Variants in FBN2 observed in about 807,000 individuals in gnomAD.
FBN2 encodes fibrillin 2.
FBN2 carries 105 observed loss-of-function variants against 355.6 expected under a neutral mutation model. The observed-to-expected ratio is 0.30, with a 90% CI of 0.25 to 0.35. The LOEUF is 0.35. Among genes scored for constraint, FBN2 ranks in the 10% least tolerant of loss-of-function variants. FBN2 has a pLI of 1.00. For synonymous variants in FBN2, 1,350 were observed against 1,301.2 expected, an observed-to-expected ratio of 1.04 and a Z score of -0.81; for missense variants, 3,280 against 3,758.7, an observed-to-expected ratio of 0.87 and a Z score of 3.33.
In FBN2 at chr5:128,408,819, G is replaced by A; in HGVS notation, c.953-20C>T. On this transcript the variant is annotated intron_variant, in intron 7 of 64. Coordinates refer to ENST00000262464, the MANE Select transcript of FBN2 (RefSeq NM_001999.4). ...CAATGTCTAATCAAGGGAAGAAGGA[G>A]AAGATGATTGAGAAAGGCCTTCATT... 6.2e-7 allele frequency: 1 copy of A among 1,613,706 alleles called. No homozygotes were observed. The highest frequency in any genetic ancestry group is 8.5e-7 in the Non-Finnish European group (1 of 1,179,648).
At chr5:128,300,989 T>A in intron 47 of FBN2, 53 bp from the exon 48 acceptor site, 1 of 1,533,100 alleles carries the variant, frequency 6.5e-7, no homozygotes. Context: ...AATTGTTACA[T>A]AGATTTATCT....
chr5:128,525,419 G>T (rs2112795290), intron 4 of FBN2, among the ~76,000 whole-genome samples: 1 of 152,226 alleles, frequency 6.6e-6, no homozygotes, highest in East Asian at 1.9e-4. Context: ...GTTATAAACA[G>T]AAGTCTGTTG....
chr5:128,361,821 A>T lies in FBN2; in HGVS notation c.2456T>A (p.Leu819Gln). The stretch of plus-strand genomic sequence containing the variant: ...TCGGCACAATCCGTTATCACAAAGC[A>T]GTCTGTTTACTAAACATTCATCAAT... ...IDIDECLVNR[L>Q]LCDNGLCRNT... is the part of the protein sequence containing the mutation. Residue 819 changes from leucine (L) to glutamine (Q), a missense_variant, in exon 19 of 65, where the codon CTG becomes CAG. Physicochemically the swap from Leu to Gln is moderately radical, Grantham distance 113. Transcript: ENST00000262464. 2 of 1,614,158 alleles carry T rather than the reference A, an allele frequency of 1.2e-6. No homozygotes were observed. The highest frequency in any genetic ancestry group is 1.7e-6 in the Non-Finnish European group (2 of 1,179,992).
rs73346348 is a variant in FBN2, at chr5:128,534,335, C to G, written c.337+2067G>C. 5.7e-4 allele frequency among the ~76,000 whole-genome samples: 86 copies of G among 152,142 alleles called. 1 individual carries two copies. The highest frequency in any genetic ancestry group is 2.0e-3 in the African/African-American group (84 of 41,522). ...ATAACGGTTTCATTTCACTTATTAC[C>G]TCTACATATGATCATTTTAAATGTC... On this transcript the variant is annotated intron_variant, in intron 2 of 64. Coordinates refer to ENST00000262464, the MANE Select transcript of FBN2 (RefSeq NM_001999.4).
At chr5:128,500,777 C>G (rs1755789198) in intron 5 of FBN2, among the ~76,000 whole-genome samples, 1 of 151,988 alleles carries the variant, frequency 6.6e-6, no homozygotes, top group Non-Finnish European at 1.5e-5. Flanking sequence ...GAGCTGAGTT[C>G]GTCTTTAGCT....
intron 5 of FBN2, among the ~76,000 whole-genome samples, chr5:128,518,129 G>A (rs890838314): frequency 6.6e-6 from 1 of 152,048 alleles, no homozygotes; most frequent in Non-Finnish European, 1.5e-5. Flanking sequence ...TCAGGCTTCC[G>A]CTGGCCTAGA....
intron 14 of FBN2, among the ~76,000 whole-genome samples, chr5:128,376,144 A>T (rs537224584): frequency 4.6e-5 from 7 of 152,198 alleles, no homozygotes; most frequent in Admixed American, 2.0e-4. Flanking sequence ...AAACATAATA[A>T]GGTCTCATTT....
intron 12 of FBN2, among the ~76,000 whole-genome samples, chr5:128,378,324 T>G (rs1319478258): frequency 1.3e-5 from 2 of 152,178 alleles, no homozygotes; most frequent in Non-Finnish European, 1.5e-5. Flanking sequence ...GGCAGTCATC[T>G]GCTAAAAGAA....
chr5:128,302,508 G>A (rs1199993393), intron 46 of FBN2, among the ~76,000 whole-genome samples: 1 of 152,124 alleles, frequency 6.6e-6, no homozygotes, highest in Non-Finnish European at 1.5e-5. Flanking sequence ...ATTTTTGTGG[G>A]GAAAGGCATT....
Position 128,395,136 on chromosome 5 carries a change from G to A in FBN2, c.1217C>T (p.Pro406Leu). The change falls in exon 9 of 65, where the codon CCT becomes CTT. Residue 406 changes from proline (P) to leucine (L), a missense_variant. Pro to Leu is a moderately conservative substitution (Grantham distance 98). Around this residue, in one of 6 missense-constraint regions of FBN2, gnomAD observed 343 missense variants for 331.0 expected, o/e 1.04. Coordinates refer to ENST00000262464, the MANE Select transcript of FBN2 (RefSeq NM_001999.4). ...WGIGTIPEACPVRGSEEYRRL... is the reference protein window; with the variant it reads ...WGIGTIPEACLVRGSEEYRRL... Reference sequence around the variant, plus strand: ...CAGCCACGTACCAGAACCTCTGACAGGACAGGCTTCAGGAATGGTTCCGAT... The same window carrying A: ...CAGCCACGTACCAGAACCTCTGACAAGACAGGCTTCAGGAATGGTTCCGAT... 1 of 1,614,126 alleles carries A rather than the reference G, an allele frequency of 6.2e-7. No individual in the cohort carries two copies. The highest frequency in any genetic ancestry group is 8.5e-7 in the Non-Finnish European group (1 of 1,179,992).
At chr5:128,343,298 C>T (rs1751078453) in intron 25 of FBN2, among the ~76,000 whole-genome samples, 1 of 152,158 alleles carries the variant, frequency 6.6e-6, no homozygotes. Context: ...CAGCCAAGTG[C>T]AACAGCCAGA....
chr5:128,318,027 C>A (rs1214001818), intron 36 of FBN2, 122 bp downstream of exon 36: 1 of 1,028,400 alleles, frequency 9.7e-7, no homozygotes, highest in African/African-American at 1.6e-5. Flanking sequence ...ACAATAAAGG[C>A]GACCACATAA....
At chr5:128,285,981 G>A (rs920617978) in intron 55 of FBN2, among the ~76,000 whole-genome samples, 2 of 152,090 alleles carry the variant, frequency 1.3e-5, no homozygotes, top group Non-Finnish European at 2.9e-5. Flanking sequence ...AAGAAGACAC[G>A]ATGATTAAGA....
At chr5:128,305,669 C>T in intron 43 of FBN2, 33 bp from the exon 44 acceptor site, 3 of 1,612,634 alleles carry the variant, frequency 1.9e-6, no homozygotes, top group Non-Finnish European at 2.5e-6. Flanking sequence ...TTAAAGAGTC[C>T]TTTTTAGTAT....
chr5:128,520,181 G>A (rs2112788878), intron 4 of FBN2, among the ~76,000 whole-genome samples: 1 of 152,200 alleles, frequency 6.6e-6, no homozygotes, highest in Admixed American at 6.5e-5. Flanking sequence ...GAGCCCAAGA[G>A]GGAGCCAGTA....
chr5:128,421,779 G>A (rs528410498), intron 7 of FBN2, among the ~76,000 whole-genome samples: 5 of 152,278 alleles, frequency 3.3e-5, no homozygotes, highest in East Asian at 1.9e-4. Flanking sequence ...AAGCTATTAC[G>A]TTTTAAGAAA....
Position 128,304,984 on chromosome 5 carries a change from C to G in FBN2, c.5773G>C (p.Ala1925Pro). ...ATGCACATGGTCTGGTCCTGAGAAGCCTTAAAGCCATTGTGGCAGATGCAC... is the reference window on the plus strand; with the variant it reads ...ATGCACATGGTCTGGTCCTGAGAAGGCTTAAAGCCATTGTGGCAGATGCAC... ...YQCICHNGFKASQDQTMCMDV... is the reference protein window; with the variant it reads ...YQCICHNGFKPSQDQTMCMDV... The change falls in exon 45 of 65, where the codon GCT (alanine) becomes CCT (proline). Residue 1925 changes from alanine to proline, a missense_variant. Ala to Pro is a conservative substitution (Grantham distance 27, BLOSUM62 -1). Around this residue, in one of 6 missense-constraint regions of FBN2, gnomAD observed 2,284 missense variants for 2,749.5 expected, o/e 0.83. Coordinates refer to ENST00000262464, the MANE Select transcript of FBN2 (RefSeq NM_001999.4). The G allele has an allele frequency of 6.2e-7, 1 of 1,613,978 alleles. No individual in the cohort carries two copies. Among genetic ancestry groups the G allele is most frequent in the Non-Finnish European group, 8.5e-7 (1 of 1,179,970 alleles).
intron 8 of FBN2, among the ~76,000 whole-genome samples, chr5:128,400,016 G>A (rs980898307): frequency 2.6e-5 from 4 of 151,774 alleles, no homozygotes; most frequent in African/African-American, 9.7e-5. Context: ...CAACTGAAGA[G>A]ACAAAGATTT....
At chr5:128,417,860 A>C (rs562735282) in intron 7 of FBN2, among the ~76,000 whole-genome samples, 78 of 152,080 alleles carry the variant, frequency 5.1e-4, no homozygotes, top group African/African-American at 1.7e-3. Flanking sequence ...TAAGGACAGT[A>C]CTTTCCTTTT....
Sources: allele counts gnomAD v4.1 joint callset (sites outside exome capture counted in the v4.1 genomes callset), GRCh38; gene constraint gnomAD v4.1.1; regional missense constraint gnomAD v4.1.1; transcripts MANE v1.5; gene names NCBI Gene and HGNC (gene_info 2026-07-23, HGNC 2026-07-21).